POTEJ: variants seen among roughly 807,000 people sequenced by gnomAD.
The protein encoded by POTEJ is POTE ankyrin domain family, member J.
A neutral mutation model predicts 69.0 loss-of-function variants in POTEJ; 11 were observed. That is an observed-to-expected ratio of 0.16 (90% CI 0.10 to 0.26). POTEJ has a LOEUF of 0.26. Among genes scored for constraint, POTEJ ranks in the 10% least tolerant of loss-of-function variants. POTEJ has a pLI of 1.00. For synonymous variants in POTEJ, 117 were observed against 381.1 expected (o/e 0.31, Z 8.07); for missense variants, 327 against 1,045.5 (o/e 0.31, Z 9.48).
At chr2:130,629,551 C>T (rs1391216859) in intron 6 of POTEJ, among the ~76,000 whole-genome samples, 1 of 148,524 alleles carries the variant, frequency 6.7e-6, no homozygotes, top group Non-Finnish European at 1.5e-5. Flanking sequence ...CTGGGCCCTG[C>T]TTGTTACTAT....
chr2:130,625,134 T>C (rs1434060616), intron 6 of POTEJ, among the ~76,000 whole-genome samples: 4 of 152,190 alleles, frequency 2.6e-5, no homozygotes, highest in African/African-American at 9.7e-5. Context: ...AGAGCTTTTG[T>C]AAGTTAGGTT....
intron 5 of POTEJ, 80 bp from the exon 6 acceptor site, chr2:130,623,984 C>T: frequency 7.1e-7 from 1 of 1,399,418 alleles, no homozygotes. Context: ...GTTTGAAATA[C>T]TCTTAATAAT....
chr2:130,628,830 G>T (rs1685799147), intron 6 of POTEJ, among the ~76,000 whole-genome samples: 1 of 149,944 alleles, frequency 6.7e-6, no homozygotes, highest in Admixed American at 6.6e-5. Flanking sequence ...GACCATCATG[G>T]CCAATGGTGA....
At position 130,645,781 on chromosome 2, in the gene POTEJ, G is replaced by A. The variant is rs1686557249; in HGVS notation, c.1485G>A (p.Glu495=). Residue 495 remains glutamate, a splice_region_variant and synonymous_variant, in exon 12 of 15, where the codon GAG becomes GAA. Transcript: ENST00000409602. ...AAATAAATAAGGATGGTGATAGAGA[G>A]GTATACCTTTATATTCAAATGTTTG... ...EPEINKDGDR[E]LENFMAIEEM... 2.2e-6 allele frequency: 1 copy of A among 462,564 alleles called. No homozygotes were observed. Among genetic ancestry groups the A allele is most frequent in the East Asian group, 3.5e-5 (1 of 28,248 alleles). 28.7% of individuals were successfully genotyped at this position (462,564 alleles called of 1,614,324 possible).
chr2:130,626,629 C>G (rs1355687054), intron 6 of POTEJ, among the ~76,000 whole-genome samples: 2 of 152,152 alleles, frequency 1.3e-5, no homozygotes, highest in Admixed American at 1.3e-4. Flanking sequence ...GGCCTGTGGC[C>G]TATAGTTTGC....
chr2:130,613,300 A>G (rs1297874055), intron 1 of POTEJ, among the ~76,000 whole-genome samples: 8 of 118,658 alleles, frequency 6.7e-5, no homozygotes, highest in Admixed American at 3.3e-4. Flanking sequence ...ATATATATAC[A>G]TATGTATATA....
intron 6 of POTEJ, among the ~76,000 whole-genome samples, chr2:130,625,443 C>T (rs1269513627): frequency 6.6e-6 from 1 of 151,886 alleles, no homozygotes; most frequent in Non-Finnish European, 1.5e-5. Context: ...GCTAGATGCC[C>T]ACTGGAAGCT....
At position 130,656,970 on chromosome 2, in the gene POTEJ, G is replaced by A. The variant is rs549584042; in HGVS notation, c.2210G>A (p.Gly737Asp). 1.8e-5 allele frequency: 28 copies of A among 1,591,112 alleles called. No homozygotes were observed. In the South Asian group the frequency reaches 2.4e-4, roughly 14 times the overall value. Residue 737 changes from glycine to aspartate, a missense_variant, in exon 15 of 15, where the codon GGC (glycine) becomes GAC (aspartate). Gly to Asp is a moderately conservative substitution (Grantham distance 94). Transcript: ENST00000409602. Reference sequence around the variant, plus strand: ...ACCCTGAAGTACCCCATGGAACACGGCATCATCACCAACTGGGATGACATG... The same window carrying A: ...ACCCTGAAGTACCCCATGGAACACGACATCATCACCAACTGGGATGACATG... ...ILTLKYPMEH[G>D]IITNWDDMEK...
chr2:130,636,230 A>G (rs560040343), intron 9 of POTEJ, among the ~76,000 whole-genome samples: 2 of 152,276 alleles, frequency 1.3e-5, no homozygotes, highest in East Asian at 3.8e-4. Flanking sequence ...AGAAAAGGGT[A>G]AAAAGAAACA....
intron 10 of POTEJ, among the ~76,000 whole-genome samples, chr2:130,640,296 T>G (rs1246275880): frequency 2.5e-4 from 35 of 140,962 alleles, no homozygotes; most frequent in Middle Eastern, 3.5e-3. Context: ...ACTTTTGGTA[T>G]TACCAAAAGT....
rs752054462 is a variant in POTEJ, at chr2:130,657,068, G to A, written c.2308G>A (p.Glu770Lys). The A allele has an allele frequency of 7.8e-5, 123 of 1,580,648 alleles. 6 individuals are homozygous for A. The highest frequency in any genetic ancestry group is 5.6e-4 in the African/African-American group (38 of 68,002). ...APEEHPILLT[E>K]APLNPKANRE... ...CGAGGAGCACCCCATCCTGCTGACC[G>A]AGGCCCCCCTGAACCCCAAGGCCAA... is the stretch of plus-strand genomic sequence containing the variant. The change falls in exon 15 of 15, where the codon GAG becomes AAG. Residue 770 changes from glutamate (E) to lysine (K), a missense_variant. Coordinates refer to ENST00000409602, the MANE Select transcript of POTEJ (RefSeq NM_001277083.2).
Position 130,631,820 on chromosome 2 carries a change from G to C in POTEJ, c.1131+367G>C. On this transcript the variant is annotated intron_variant, in intron 8 of 14. Transcript: ENST00000409602. ...TATCTTCCAGCTAGATAATTGTATG[G>C]CTATTCAATGTGAAATTTGGGGAGC... Among the ~76,000 whole-genome samples the C allele has an allele frequency of 1.4e-5, 2 of 142,636 alleles. 1 individual carries two copies. The highest frequency in any genetic ancestry group is 3.0e-5 in the Non-Finnish European group (2 of 65,720). The allele number at this position is 142,636 out of a possible 152,430, so 93.6% of individuals were successfully genotyped here.
chr2:130,654,605 AC>A (rs1324746948), intron 13 of POTEJ, among the ~76,000 whole-genome samples: 1 of 149,146 alleles, frequency 6.7e-6, no homozygotes, highest in Non-Finnish European at 1.5e-5. Context: ...CACTGATTCT[AC>A]ATTTTGGTGA....
chr2:130,637,290 G>A (rs1309605357), intron 9 of POTEJ, among the ~76,000 whole-genome samples: 1 of 150,186 alleles, frequency 6.7e-6, no homozygotes, highest in Admixed American at 6.7e-5. Flanking sequence ...TGAGTCAGAG[G>A]AATTGCAAAC....
intron 9 of POTEJ, among the ~76,000 whole-genome samples, chr2:130,636,580 G>C (rs1430466919): frequency 6.8e-6 from 1 of 147,380 alleles, no homozygotes; most frequent in Admixed American, 6.8e-5. Flanking sequence ...TCCTGCTTTA[G>C]TTTTTCTCCT....
At chr2:130,613,409 T>TATATATAC (rs1348912372) in intron 1 of POTEJ, among the ~76,000 whole-genome samples, 8 of 143,620 alleles carry the variant, frequency 5.6e-5, no homozygotes, top group African/African-American at 2.1e-4. Context: ...TATATATATA[T>TATATATAC]ACTTTTTTTT....
intron 14 of POTEJ, among the ~76,000 whole-genome samples, chr2:130,656,047 G>T (rs1686973721): frequency 6.9e-6 from 1 of 144,658 alleles, no homozygotes; most frequent in Non-Finnish European, 1.5e-5. Context: ...TCGGTAAAAT[G>T]TTCTTCAGTA....
At chr2:130,613,336 A>G (rs1485673215) in intron 1 of POTEJ, among the ~76,000 whole-genome samples, 1 of 130,116 alleles carries the variant, frequency 7.7e-6, no homozygotes, top group Non-Finnish European at 1.5e-5. Flanking sequence ...ATGTATATAT[A>G]CATATATATG....
intron 3 of POTEJ, among the ~76,000 whole-genome samples, chr2:130,618,441 GA>G (rs1685441507): frequency 1.4e-5 from 2 of 147,160 alleles, no homozygotes; most frequent in African/African-American, 5.1e-5. Flanking sequence ...ATGTATATTT[GA>G]AAATGTTTCC....
Sources: allele counts gnomAD v4.1 joint callset (sites outside exome capture counted in the v4.1 genomes callset), GRCh38; gene constraint gnomAD v4.1.1; transcripts MANE v1.5; gene names NCBI Gene and HGNC (gene_info 2026-07-23, HGNC 2026-07-21).